Variants in ADAMTS18 observed in about 807,000 individuals in gnomAD.
ADAMTS18 encodes the protein ADAM metallopeptidase with thrombospondin type 1 motif 18, also known as A disintegrin and metalloproteinase with thrombospondin motifs 18.
A neutral mutation model predicts 165.9 loss-of-function variants in ADAMTS18; 157 were observed. The observed-to-expected ratio is 0.95, with a 90% CI of 0.83 to 1.08. The LOEUF (loss-of-function observed/expected upper bound fraction) is 1.08, where lower values mean the gene tolerates loss of function less well. ADAMTS18 is among the 50% of genes least tolerant of loss of function. The probability of loss-of-function intolerance (pLI) is 0.00; values close to 1 mark genes in which losing one functional copy is unlikely to be tolerated. For missense variants in ADAMTS18, 2,040 were observed against 1,534.0 expected, an observed-to-expected ratio of 1.33 and a Z score of -5.51; for synonymous variants, 782 against 578.2, an observed-to-expected ratio of 1.35 and a Z score of -5.06.
chr16:77,291,190 G>C (rs1464524606), intron 21 of ADAMTS18, 76 bp downstream of exon 21: 1 of 1,501,684 alleles, frequency 6.7e-7, no homozygotes, highest in African/African-American at 1.4e-5. Context: ...AACAGACTAA[G>C]AGCAACTGTT....
At chr16:77,360,743 T>C (rs944126430) in intron 7 of ADAMTS18, among the ~76,000 whole-genome samples, 1 of 152,184 alleles carries the variant, frequency 6.6e-6, no homozygotes, top group Non-Finnish European at 1.5e-5. Flanking sequence ...AAAATAAACT[T>C]ATTTATAGGA....
chr16:77,289,734 C>T (rs1299672993), intron 21 of ADAMTS18, among the ~76,000 whole-genome samples: 1 of 152,132 alleles, frequency 6.6e-6, no homozygotes, highest in Non-Finnish European at 1.5e-5. Flanking sequence ...TACAGACACA[C>T]CTAGGGAGTT....
intron 3 of ADAMTS18, among the ~76,000 whole-genome samples, chr16:77,422,344 A>C (rs2057614059): frequency 6.6e-6 from 1 of 151,868 alleles, no homozygotes; most frequent in Non-Finnish European, 1.5e-5. Flanking sequence ...TACCCAAGGA[A>C]GTGTTGAAAT....
chr16:77,400,930 A>G (rs866830624), intron 3 of ADAMTS18, among the ~76,000 whole-genome samples: 1 of 145,610 alleles, frequency 6.9e-6, no homozygotes, highest in African/African-American at 2.7e-5. Flanking sequence ...AACTACCTGC[A>G]CCCAAAATTC....
chr16:77,295,195 G>A, intron 18 of ADAMTS18, 68 bp from the exon 19 acceptor site: 1 of 1,549,114 alleles, frequency 6.5e-7, no homozygotes, highest in Non-Finnish European at 8.9e-7. Flanking sequence ...AGCAGTTACT[G>A]TGAAAGGTAA....
At chr16:77,308,153 C>T (rs1305194884) in intron 16 of ADAMTS18, among the ~76,000 whole-genome samples, 3 of 152,024 alleles carry the variant, frequency 2.0e-5, no homozygotes, top group Non-Finnish European at 4.4e-5. Context: ...TCTTCTTCTG[C>T]TAAACATAGA....
intron 3 of ADAMTS18, among the ~76,000 whole-genome samples, chr16:77,403,492 A>G (rs531872297): frequency 5.9e-5 from 9 of 152,186 alleles, no homozygotes; most frequent in Non-Finnish European, 1.2e-4. Context: ...ACATGAAAAG[A>G]TAGAAAATCA....
intron 10 of ADAMTS18, among the ~76,000 whole-genome samples, chr16:77,353,252 G>A (rs1452665894): frequency 6.6e-6 from 1 of 152,020 alleles, no homozygotes. Flanking sequence ...TTGAAGAAAA[G>A]ATGACACAAA....
chr16:77,339,974 G>A (rs1454098312), intron 11 of ADAMTS18, among the ~76,000 whole-genome samples: 1 of 152,090 alleles, frequency 6.6e-6, no homozygotes, highest in African/African-American at 2.4e-5. Context: ...TCTAACTGAA[G>A]AACTTTAACC....
rs192302245 is a variant in ADAMTS18 at position 77,325,193 on chromosome 16, T to C, written c.2032+673A>G. Among the ~76,000 whole-genome samples, 502 of 152,300 alleles carry C rather than the reference T, an allele frequency of 3.3e-3. 2 individuals are homozygous for C. Among genetic ancestry groups the C allele is most frequent in the Middle Eastern group, 0.01 (3 of 294 alleles). On this transcript the variant is annotated intron_variant, in intron 13 of 22. Coordinates refer to ENST00000282849, the MANE Select transcript of ADAMTS18 (RefSeq NM_199355.4). ...CCTGTTTCAAGACAGCGTAACAGTTTTGATAAATCTAATGGATGGAAGTAA... is the reference window on the plus strand; with the variant it reads ...CCTGTTTCAAGACAGCGTAACAGTTCTGATAAATCTAATGGATGGAAGTAA...
At chr16:77,324,988 C>G (rs79503959) in intron 13 of ADAMTS18, among the ~76,000 whole-genome samples, 13,261 of 152,238 alleles carry the variant, frequency 0.087, 794 homozygotes, top group East Asian at 0.27. Context: ...GCTGCACAAT[C>G]CTCTCTTTCG....
Position 77,291,422 on chromosome 16 carries a change from C to CT in ADAMTS18, c.3245dup (p.Phe1084LeufsTer15). 6.2e-7 allele frequency: 1 copy of CT among 1,614,198 alleles called. No individual in the cohort carries two copies. Among genetic ancestry groups the CT allele is most frequent in the Non-Finnish European group, 8.5e-7 (1 of 1,180,030 alleles). The stretch of plus-strand genomic sequence containing the variant: ...AAGTTATCAGCTTTCCCTGGAAGCC[C>CT]TTCTCGCTGCACTTCATCTCCCTCT... On this transcript the variant is annotated frameshift_variant, in exon 21 of 23. Coordinates refer to ENST00000282849, the MANE Select transcript of ADAMTS18 (RefSeq NM_199355.4). LOFTEE classifies it high-confidence loss of function.
Position 77,319,877 on chromosome 16 carries a change from C to A in ADAMTS18, c.2504G>T (p.Gly835Val). The A allele has an allele frequency of 6.2e-7, 1 of 1,614,140 alleles. No homozygotes were observed. The highest frequency in any genetic ancestry group is 8.5e-7 in the Non-Finnish European group (1 of 1,180,032). ...AAAGACCAGCGTCTCATTTGTGGGCCCTGGCGCGTACAGACGTTCCGGGCG... is the reference window on the plus strand; with the variant it reads ...AAAGACCAGCGTCTCATTTGTGGGCACTGGCGCGTACAGACGTTCCGGGCG... The part of the protein sequence containing the change: ...FNRPERLYAP[G>V]PTNETLVFEI... Residue 835 changes from glycine to valine, a missense_variant, in exon 16 of 23, where the codon GGG becomes GTG. Transcript: ENST00000282849.
intron 3 of ADAMTS18, chr16:77,378,869 T>C (rs1424422738): frequency 6.6e-6 from 1 of 152,232 alleles, no homozygotes; most frequent in Non-Finnish European, 1.5e-5. Flanking sequence ...TAACAGTGTG[T>C]TTATATTATA....
At position 77,322,480 on chromosome 16, in the gene ADAMTS18, G is replaced by A. The variant is rs762426753; in HGVS notation, c.2033-14C>T. 2 of 1,613,658 alleles carry A rather than the reference G, an allele frequency of 1.2e-6. No homozygotes were observed. Among genetic ancestry groups the A allele is most frequent in the Admixed American group, 3.3e-5 (2 of 60,012 alleles). On this transcript the variant is annotated splice_polypyrimidine_tract_variant and intron_variant, in intron 13 of 22. Transcript: ENST00000282849. The stretch of plus-strand genomic sequence containing the variant: ...ATCGATCTTCCTCTAGAAACAAAGA[G>A]ATCAAGATAGGAAATGGTCAAGAGG...
intron 22 of ADAMTS18, among the ~76,000 whole-genome samples, chr16:77,284,876 C>CCTGATGTATT (rs1388754805): frequency 1.3e-5 from 2 of 152,016 alleles, no homozygotes; most frequent in African/African-American, 2.4e-5. Context: ...GAGCAAGAAG[C>CCTGATGTATT]CTGATGTATT....
At chr16:77,291,503 A>T (rs1245885490) in intron 20 of ADAMTS18, 25 bp from the exon 21 acceptor site, 2 of 1,609,764 alleles carry the variant, frequency 1.2e-6, no homozygotes, top group Middle Eastern at 1.7e-4. Flanking sequence ...AGGATGTGTA[A>T]AAGTGAAGAC....
rs147918061 is a variant in ADAMTS18 at position 77,298,070 on chromosome 16, G to A, written c.2675-655C>T. 1.6e-4 allele frequency among the ~76,000 whole-genome samples: 25 copies of A among 151,988 alleles called. No individual in the cohort carries two copies. The South Asian group carries it at 1.7e-3, about 10-fold the overall frequency. ...CTCCCAGATACCTGGGATTACAGGT[G>A]TGTGACACCATACCCAGCTAATTTT... On this transcript the variant is annotated intron_variant, in intron 17 of 22. Coordinates refer to ENST00000282849, the MANE Select transcript of ADAMTS18 (RefSeq NM_199355.4).
At chr16:77,323,294 T>C (rs2056036514) in intron 13 of ADAMTS18, among the ~76,000 whole-genome samples, 2 of 152,174 alleles carry the variant, frequency 1.3e-5, no homozygotes, top group Non-Finnish European at 2.9e-5. Context: ...TACAAACGTG[T>C]AAACAGTTTG....
Sources: allele counts gnomAD v4.1 joint callset (sites outside exome capture counted in the v4.1 genomes callset), GRCh38; gene constraint gnomAD v4.1.1; transcripts MANE v1.5; gene names NCBI Gene and HGNC (gene_info 2026-07-23, HGNC 2026-07-21).